IL12RB2: variants seen among roughly 807,000 people sequenced by gnomAD.
IL12RB2 encodes the protein interleukin-12 receptor subunit beta-2.
IL12RB2 carries 82 observed loss-of-function variants against 89.4 expected under a neutral mutation model. The ratio of observed to expected loss-of-function variants is 0.92; its 90% CI spans 0.77 to 1.10. IL12RB2 has a LOEUF of 1.10. Ranked by LOEUF, IL12RB2 falls within the 50% of genes least tolerant of loss-of-function variation. IL12RB2 has a pLI of 0.00. For synonymous variants in IL12RB2, 368 were observed against 370.1 expected, an observed-to-expected ratio of 0.99 and a Z score of 0.07; for missense variants, 963 against 1,031.9, an observed-to-expected ratio of 0.93 and a Z score of 0.92.
At chr1:67,310,287 G>GTTTGTT (rs111719791) in intron 1 of IL12RB2, among the ~76,000 whole-genome samples, 1 of 151,648 alleles carries the variant, frequency 6.6e-6, no homozygotes, top group East Asian at 1.9e-4. Context: ...TGTAACAGTG[G>GTTTGTT]TTTGTTTTTG....
chr1:67,351,518 C>T (rs764538926), intron 10 of IL12RB2, among the ~76,000 whole-genome samples: 2 of 152,066 alleles, frequency 1.3e-5, no homozygotes, highest in Admixed American at 1.3e-4. Context: ...AAACCAAAGT[C>T]GGGGATGGTG....
chr1:67,338,852 T>A, intron 9 of IL12RB2, 149 bp downstream of exon 9: 1 of 682,154 alleles, frequency 1.5e-6, no homozygotes, highest in East Asian at 2.8e-5. Context: ...GTCATGTGCC[T>A]TTGGTGGATA....
intron 15 of IL12RB2, among the ~76,000 whole-genome samples, chr1:67,386,872 T>TTTTTTATA (rs1473033781): frequency 1.0e-4 from 5 of 48,466 alleles, no homozygotes; most frequent in Non-Finnish European, 1.8e-4. Flanking sequence ...GAAATGTATT[T>TTTTTTATA]TATATATATA....
At chr1:67,365,520 C>G (rs2100965597) in intron 10 of IL12RB2, among the ~76,000 whole-genome samples, 1 of 152,180 alleles carries the variant, frequency 6.6e-6, no homozygotes, top group East Asian at 1.9e-4. Flanking sequence ...AACTCTGTGC[C>G]CACGAATTTG....
chr1:67,329,656 A>T lies in IL12RB2; in HGVS notation c.734A>T (p.Tyr245Phe), dbSNP rs1259673097. The T allele has an allele frequency of 6.3e-7, 1 of 1,580,438 alleles. No homozygotes were observed. The highest frequency in any genetic ancestry group is 1.7e-5 in the Admixed American group (1 of 59,982). ...GCTTCTGTGAGCAGATGTACCCTTTATTGGAGAGATGAGGGACTGGTACTG... is the reference window on the plus strand; with the variant it reads ...GCTTCTGTGAGCAGATGTACCCTTTTTTGGAGAGATGAGGGACTGGTACTG... Reference protein sequence around the residue: ...QKASVSRCTLYWRDEGLVLLN... With the variant: ...QKASVSRCTLFWRDEGLVLLN... Residue 245 changes from tyrosine to phenylalanine, a missense_variant, in exon 7 of 17, where the codon TAT (tyrosine) becomes TTT (phenylalanine). Physicochemically the swap from Tyr to Phe is conservative, Grantham distance 22. Transcript: ENST00000674203.
chr1:67,331,939 T>C (rs1464188354), intron 8 of IL12RB2, among the ~76,000 whole-genome samples: 1 of 152,232 alleles, frequency 6.6e-6, no homozygotes, highest in African/African-American at 2.4e-5. Flanking sequence ...CTTTTTGGCA[T>C]ATAATCCATT....
At chr1:67,341,914 T>C (rs1659671818) in intron 9 of IL12RB2, among the ~76,000 whole-genome samples, 1 of 152,178 alleles carries the variant, frequency 6.6e-6, no homozygotes, top group Non-Finnish European at 1.5e-5. Context: ...TTAACTGTCA[T>C]GTAGTCTCAC....
intron 9 of IL12RB2, among the ~76,000 whole-genome samples, chr1:67,345,630 T>C (rs930932420): frequency 6.6e-6 from 1 of 152,210 alleles, no homozygotes; most frequent in African/African-American, 2.4e-5. Flanking sequence ...TCAGAATCAA[T>C]ATTTAAATAC....
chr1:67,320,772 A>T (rs1656387433), intron 3 of IL12RB2, among the ~76,000 whole-genome samples: 1 of 151,478 alleles, frequency 6.6e-6, no homozygotes, highest in Non-Finnish European at 1.5e-5. Flanking sequence ...AAGTTCTGGG[A>T]TACATGTGCA....
chr1:67,326,233 G>A (rs1184171412), intron 4 of IL12RB2, among the ~76,000 whole-genome samples: 1 of 152,020 alleles, frequency 6.6e-6, no homozygotes, highest in African/African-American at 2.4e-5. Context: ...TATTTGAATG[G>A]GCATCACTCT....
At position 67,348,519 on chromosome 1, in the gene IL12RB2, T is replaced by C. The variant is rs1660482777; in HGVS notation, c.1039-2351T>C. On this transcript the variant is annotated intron_variant, in intron 9 of 16. Transcript: ENST00000674203. Reference sequence around the variant, plus strand: ...CCCTGGGCCCCTGTTTTCCCACTTATAAAATGAATCATTGAATTAACTGTT... The same window carrying C: ...CCCTGGGCCCCTGTTTTCCCACTTACAAAATGAATCATTGAATTAACTGTT... Among the ~76,000 whole-genome samples, 3 of 152,170 alleles carry C rather than the reference T, an allele frequency of 2.0e-5. No homozygotes were observed. The South Asian group carries it at 6.2e-4, about 31-fold the overall frequency.
intron 15 of IL12RB2, among the ~76,000 whole-genome samples, chr1:67,389,566 G>T (rs1665589073): frequency 2.0e-5 from 3 of 151,960 alleles, no homozygotes; most frequent in Non-Finnish European, 4.4e-5. Flanking sequence ...TTTTTAACAT[G>T]GTTGTGTTCA....
intron 2 of IL12RB2, among the ~76,000 whole-genome samples, chr1:67,318,989 G>A (rs1218062293): frequency 6.6e-6 from 1 of 152,318 alleles, no homozygotes; most frequent in South Asian, 2.1e-4. Flanking sequence ...ACATTATTTA[G>A]GGTTTTCCTG....
Position 67,372,756 on chromosome 1 carries a change from G to T in IL12RB2, c.1690G>T (p.Asp564Tyr), listed in dbSNP as rs1350302581. Residue 564 changes from aspartate to tyrosine, a missense_variant, in exon 13 of 17, where the codon GAC becomes TAC. Coordinates refer to ENST00000674203, the MANE Select transcript of IL12RB2 (RefSeq NM_001374259.2). ...LHYRIYWKER[D>Y]SNSQPQLCEI... ...TTATAGGATATACTGGAAGGAACGG[G>T]ACTCCAACTCCCAGCCTCAGCTCTG... 1 of 1,609,202 alleles carries T rather than the reference G, an allele frequency of 6.2e-7. No individual in the cohort carries two copies. Among genetic ancestry groups the T allele is most frequent in the South Asian group, 1.1e-5 (1 of 90,994 alleles).
intron 5 of IL12RB2, among the ~76,000 whole-genome samples, chr1:67,327,488 C>G (rs10489626): frequency 0.17 from 25,604 of 152,030 alleles, 2,241 homozygotes; most frequent in Middle Eastern, 0.24. Context: ...TGCATAAGAT[C>G]GCTTCTCTTT....
Position 67,329,649 on chromosome 1 carries a change from A to G in IL12RB2, c.727A>G (p.Thr243Ala), listed in dbSNP as rs1024699416. The G allele has an allele frequency of 4.5e-6, 7 of 1,572,330 alleles. No individual in the cohort carries two copies. In the East Asian group the frequency reaches 6.7e-5, roughly 15 times the overall value. ...TCAAAAGGCTTCTGTGAGCAGATGT[A>G]CCCTTTATTGGAGAGATGAGGGACT... ...KFQKASVSRC[T>A]LYWRDEGLVL... is the part of the protein sequence containing the mutation. The change falls in exon 7 of 17, where the codon ACC becomes GCC. Residue 243 changes from threonine to alanine, a missense_variant. Physicochemically the swap from Thr to Ala is moderately conservative, Grantham distance 58 (BLOSUM62 0). Transcript: ENST00000674203.
At chr1:67,351,130 GTGTC>G (rs1416656489) in intron 10 of IL12RB2, 41 bp downstream of exon 10, 22 of 1,605,228 alleles carry the variant, frequency 1.4e-5, no homozygotes, top group Non-Finnish European at 1.9e-5. Flanking sequence ...GTGGAAAACT[GTGTC>G]TTACTCATCT....
chr1:67,356,988 CCAAA>C (rs1247077334), intron 10 of IL12RB2, among the ~76,000 whole-genome samples: 1 of 151,876 alleles, frequency 6.6e-6, no homozygotes, highest in Non-Finnish European at 1.5e-5. Context: ...TGAAGAAAAC[CCAAA>C]CAGAGTCAGC....
chr1:67,349,991 G>A lies in IL12RB2; in HGVS notation c.1039-879G>A, dbSNP rs75410546. Among the ~76,000 whole-genome samples the A allele has an allele frequency of 3.4e-3, 517 of 152,326 alleles. 4 individuals carry two copies. The highest frequency in any genetic ancestry group is 0.011 in the African/African-American group (455 of 41,574). On this transcript the variant is annotated intron_variant, in intron 9 of 16. Coordinates refer to ENST00000674203, the MANE Select transcript of IL12RB2 (RefSeq NM_001374259.2). ...AGTGCTTGGTGAGCAGGGAACCCAG[G>A]CAAGGGGCATTTGCTGACTACAGTG...
Sources: allele counts gnomAD v4.1 joint callset (sites outside exome capture counted in the v4.1 genomes callset), GRCh38; gene constraint gnomAD v4.1.1; transcripts MANE v1.5; gene names NCBI Gene and HGNC (gene_info 2026-07-23, HGNC 2026-07-21).